PTPRQ: variants seen among roughly 807,000 people sequenced by gnomAD.
The protein encoded by PTPRQ is phosphatidylinositol phosphatase PTPRQ.
PTPRQ carries 199 observed loss-of-function variants against 246.0 expected under a neutral mutation model. The observed-to-expected ratio is 0.81, with a 90% confidence interval of 0.72 to 0.91. PTPRQ has a LOEUF of 0.91. Among genes scored for constraint, PTPRQ ranks in the 40% least tolerant of loss-of-function variants. PTPRQ has a pLI of 0.00. For missense variants in PTPRQ, 2,624 were observed against 2,528.4 expected (o/e 1.04, Z -0.81); for synonymous variants, 869 against 853.2 (o/e 1.02, Z -0.32).
intron 8 of PTPRQ, among the ~76,000 whole-genome samples, chr12:80,480,411 A>G (rs1434324956): frequency 6.6e-6 from 1 of 152,028 alleles, no homozygotes; most frequent in Non-Finnish European, 1.5e-5. Context: ...AATGCCCACA[A>G]GAGAAAGCAG....
rs907622211 is a variant in PTPRQ at position 80,480,048 on chromosome 12, A to T, written c.1187-4385A>T. Among the ~76,000 whole-genome samples the T allele has an allele frequency of 2.0e-4, 30 of 151,908 alleles. No individual in the cohort carries two copies. The South Asian group carries it at 4.1e-3, about 21-fold the overall frequency. On this transcript the variant is annotated intron_variant, in intron 8 of 44. Coordinates refer to ENST00000644991, the MANE Select transcript of PTPRQ (RefSeq NM_001145026.2). ...CTAATAGACATCTACAGAACTCTCC[A>T]CCCCAAATCAAGAGAATATACATTT... is the stretch of plus-strand genomic sequence containing the variant.
intron 35 of PTPRQ, among the ~76,000 whole-genome samples, chr12:80,639,219 C>T (rs757072803): frequency 3.3e-5 from 5 of 152,172 alleles, no homozygotes; most frequent in African/African-American, 4.8e-5. Context: ...ACAGAATTTT[C>T]GTAAGCTAAA....
At chr12:80,631,490 AGC>A (rs2121167040) in intron 33 of PTPRQ, among the ~76,000 whole-genome samples, 1 of 152,222 alleles carries the variant, frequency 6.6e-6, no homozygotes, top group South Asian at 2.1e-4. Context: ...GGCCAGTAGG[AGC>A]CCCTTCAGGA....
At chr12:80,662,374 G>A (rs1297285443) in intron 39 of PTPRQ, among the ~76,000 whole-genome samples, 1 of 151,868 alleles carries the variant, frequency 6.6e-6, no homozygotes. Flanking sequence ...AGATGTAGTA[G>A]GCATTTAATA....
intron 26 of PTPRQ, among the ~76,000 whole-genome samples, chr12:80,600,026 A>G (rs1898090816): frequency 6.6e-6 from 1 of 151,884 alleles, no homozygotes; most frequent in African/African-American, 2.4e-5. Context: ...TTTTATCAAG[A>G]ACTTTACTGA....
chr12:80,672,670 A>AC (rs939267429), intron 42 of PTPRQ, among the ~76,000 whole-genome samples: 3 of 152,066 alleles, frequency 2.0e-5, no homozygotes, highest in African/African-American at 7.2e-5. Flanking sequence ...TAGTTTTTCA[A>AC]TTTTATTATC....
At chr12:80,449,072 T>C (rs924733895) in intron 3 of PTPRQ, among the ~76,000 whole-genome samples, 7 of 151,774 alleles carry the variant, frequency 4.6e-5, no homozygotes, top group African/African-American at 1.7e-4. Flanking sequence ...CCATTCTAAC[T>C]GGTGTGAGAT....
chr12:80,525,725 G>T (rs148435934), intron 17 of PTPRQ, among the ~76,000 whole-genome samples: 7 of 151,522 alleles, frequency 4.6e-5, no homozygotes, highest in African/African-American at 1.7e-4. Context: ...ATGTGTATGT[G>T]GTTCTACTTA....
intron 26 of PTPRQ, among the ~76,000 whole-genome samples, chr12:80,601,752 C>A (rs995767852): frequency 3.3e-5 from 5 of 151,744 alleles, no homozygotes; most frequent in Non-Finnish European, 7.4e-5. Context: ...CATTGAAACC[C>A]ACAAAGCATC....
At chr12:80,502,419 C>T (rs1894831570) in intron 14 of PTPRQ, among the ~76,000 whole-genome samples, 1 of 151,850 alleles carries the variant, frequency 6.6e-6, no homozygotes, top group Non-Finnish European at 1.5e-5. Context: ...TGAAAAGGAT[C>T]CATTTGAGAT....
intron 25 of PTPRQ, among the ~76,000 whole-genome samples, chr12:80,575,622 T>G (rs1472078686): frequency 6.7e-6 from 1 of 150,312 alleles, no homozygotes; most frequent in Non-Finnish European, 1.5e-5. Flanking sequence ...TGGGCAGATC[T>G]CCAGGTCAGG....
At chr12:80,581,077 C>T (rs1897419406) in intron 25 of PTPRQ, among the ~76,000 whole-genome samples, 2 of 152,144 alleles carry the variant, frequency 1.3e-5, no homozygotes, top group Non-Finnish European at 2.9e-5. Context: ...AATAGTTGAT[C>T]ATAGAGGCAT....
chr12:80,530,240 G>C (rs1221209590), intron 17 of PTPRQ, among the ~76,000 whole-genome samples: 1 of 151,822 alleles, frequency 6.6e-6, no homozygotes, highest in African/African-American at 2.4e-5. Context: ...TTCTTTCTTT[G>C]TTCTTTACTT....
At chr12:80,552,221 T>A (rs905199687) in intron 25 of PTPRQ, among the ~76,000 whole-genome samples, 3 of 151,980 alleles carry the variant, frequency 2.0e-5, no homozygotes, top group Non-Finnish European at 2.9e-5. Context: ...GGGTGACAGG[T>A]GTTTTCCCAG....
intron 39 of PTPRQ, among the ~76,000 whole-genome samples, chr12:80,666,247 A>G (rs1224450789): frequency 6.6e-6 from 1 of 152,078 alleles, no homozygotes; most frequent in African/African-American, 2.4e-5. Flanking sequence ...GTAAAAGAAT[A>G]AAGTCCTGTC....
chr12:80,576,617 G>A (rs1174984181), intron 25 of PTPRQ, among the ~76,000 whole-genome samples: 1 of 151,582 alleles, frequency 6.6e-6, no homozygotes, highest in Non-Finnish European at 1.5e-5. Flanking sequence ...ATCAATGTGT[G>A]CCAGGCATTA....
chr12:80,641,888 T>C (rs574083192), intron 35 of PTPRQ, among the ~76,000 whole-genome samples: 26 of 151,964 alleles, frequency 1.7e-4, no homozygotes, highest in African/African-American at 5.5e-4. Flanking sequence ...TCTCTTGCTC[T>C]CTCTCTCTCG....
chr12:80,659,588 G>C (rs1900560603), intron 39 of PTPRQ, among the ~76,000 whole-genome samples: 1 of 152,126 alleles, frequency 6.6e-6, no homozygotes, highest in Non-Finnish European at 1.5e-5. Context: ...GACAATTTTA[G>C]TAGGTGTAGC....
At chr12:80,585,515 G>A (rs56166174) in intron 25 of PTPRQ, among the ~76,000 whole-genome samples, 25,391 of 152,118 alleles carry the variant, frequency 0.17, 2,393 homozygotes, top group Middle Eastern at 0.22. Flanking sequence ...GTGAAAGAGA[G>A]AGCCTGCCAC....
Sources: gnomAD v4.1 joint callset for allele counts (sites outside exome capture counted in the v4.1 genomes callset) on GRCh38, gnomAD v4.1.1 for gene constraint, MANE v1.5 for transcripts, NCBI Gene and HGNC (gene_info 2026-07-23, HGNC 2026-07-21) for gene names.